FMN2: variants seen among roughly 807,000 people sequenced by gnomAD.
FMN2 encodes the protein formin 2, also known as formin-2.
FMN2 carries 51 observed loss-of-function variants against 142.3 expected under a neutral mutation model. The observed-to-expected ratio is 0.36, with a 90% confidence interval of 0.29 to 0.45. FMN2 has a LOEUF of 0.45. Among genes scored for constraint, FMN2 ranks in the 20% least tolerant of loss-of-function variants. The probability of loss-of-function intolerance (pLI) is 1.00; values close to 1 mark genes in which losing one functional copy is unlikely to be tolerated. For missense variants in FMN2, 1,936 were observed against 2,122.8 expected, an observed-to-expected ratio of 0.91 and a Z score of 1.73; for synonymous variants, 882 against 869.8, an observed-to-expected ratio of 1.01 and a Z score of -0.25.
chr1:240,277,387 T>C (rs543885884), intron 7 of FMN2, among the ~76,000 whole-genome samples: 5 of 151,854 alleles, frequency 3.3e-5, no homozygotes, highest in African/African-American at 9.6e-5. Context: ...TCTCCCGGAC[T>C]CTAGGACTGC....
chr1:240,324,011 TTCATGGCA>T (rs1391577645), intron 8 of FMN2, among the ~76,000 whole-genome samples: 1 of 152,186 alleles, frequency 6.6e-6, no homozygotes, highest in Non-Finnish European at 1.5e-5. Context: ...GTCACACTGT[TTCATGGCA>T]GTTTATTCTT....
Position 240,474,385 on chromosome 1 carries a change from A to C in FMN2, c.*231A>C, listed in dbSNP as rs1179388184. Reference sequence around the variant, plus strand: ...ATTTGACACCTTTTCTTTTTGTAAAAGTTTATGGTATTATACCGATAGACC... The same window carrying C: ...ATTTGACACCTTTTCTTTTTGTAAACGTTTATGGTATTATACCGATAGACC... On this transcript the variant is annotated 3_prime_UTR_variant, in exon 18 of 18. Coordinates refer to ENST00000319653, the MANE Select transcript of FMN2 (RefSeq NM_020066.5). 1 of 459,370 alleles carries C rather than the reference A, an allele frequency of 2.2e-6. No homozygotes were observed. The highest frequency in any genetic ancestry group is 3.8e-6 in the Non-Finnish European group (1 of 261,612). 28.5% of individuals were successfully genotyped at this position (459,370 alleles called of 1,614,324 possible). A position where few individuals can be genotyped will look rare whatever the true frequency, so the allele number is the denominator to read the frequency against.
intron 14 of FMN2, among the ~76,000 whole-genome samples, chr1:240,359,942 A>G (rs1306490878): frequency 6.6e-6 from 1 of 152,214 alleles, no homozygotes; most frequent in Non-Finnish European, 1.5e-5. Flanking sequence ...TGCACAGTAT[A>G]GCATACACTG....
chr1:240,238,848 C>G lies in FMN2; in HGVS notation c.4066-19097C>G, dbSNP rs192771527. Reference sequence around the variant, plus strand: ...ATGAAAAATAGCAATCTGTTATACTCAACAACAATATGGATTTTACAGGCA... The same window carrying G: ...ATGAAAAATAGCAATCTGTTATACTGAACAACAATATGGATTTTACAGGCA... On this transcript the variant is annotated intron_variant, in intron 6 of 17. Coordinates refer to ENST00000319653, the MANE Select transcript of FMN2 (RefSeq NM_020066.5). Among the ~76,000 whole-genome samples the G allele has an allele frequency of 3.2e-3, 484 of 152,206 alleles. 4 individuals carry two copies. The highest frequency in any genetic ancestry group is 0.011 in the African/African-American group (463 of 41,536).
At chr1:240,390,846 A>G (rs1198200587) in intron 14 of FMN2, among the ~76,000 whole-genome samples, 1 of 152,228 alleles carries the variant, frequency 6.6e-6, no homozygotes. Flanking sequence ...TTAATCTTCT[A>G]AAATAGTCTA....
intron 16 of FMN2, among the ~76,000 whole-genome samples, chr1:240,456,982 C>T (rs1676267488): frequency 6.6e-6 from 1 of 152,130 alleles, no homozygotes; most frequent in Non-Finnish European, 1.5e-5. Flanking sequence ...AACCCTTTGT[C>T]CTCTTCATTG....
chr1:240,184,303 C>T (rs185880705), intron 3 of FMN2, among the ~76,000 whole-genome samples: 97 of 120,770 alleles, frequency 8.0e-4, no homozygotes, highest in Middle Eastern at 0.016. Context: ...GTGGCGCGAT[C>T]TCGGCTCACT....
intron 16 of FMN2, among the ~76,000 whole-genome samples, chr1:240,447,433 T>C (rs1675863821): frequency 6.6e-6 from 1 of 152,090 alleles, no homozygotes; most frequent in African/African-American, 2.4e-5. Flanking sequence ...AGTAAACACA[T>C]GAAAAGATAT....
chr1:240,132,183 T>A (rs1344192753), intron 2 of FMN2, among the ~76,000 whole-genome samples: 1 of 152,210 alleles, frequency 6.6e-6, no homozygotes, highest in Non-Finnish European at 1.5e-5. Flanking sequence ...TCAGAGAGAA[T>A]GATCATTCTC....
At chr1:240,191,668 T>C (rs1665706223) in intron 4 of FMN2, among the ~76,000 whole-genome samples, 1 of 152,240 alleles carries the variant, frequency 6.6e-6, no homozygotes, top group Non-Finnish European at 1.5e-5. Context: ...AATTATTTTA[T>C]CTAAGAACAT....
intron 8 of FMN2, among the ~76,000 whole-genome samples, chr1:240,297,903 G>T (rs1225770268): frequency 6.6e-6 from 1 of 152,104 alleles, no homozygotes; most frequent in Admixed American, 6.6e-5. Context: ...ACAGACTGCG[G>T]TGTTCTTGCT....
chr1:240,367,572 T>G (rs948466651), intron 14 of FMN2, among the ~76,000 whole-genome samples: 1 of 151,724 alleles, frequency 6.6e-6, no homozygotes, highest in Non-Finnish European at 1.5e-5. Context: ...ATCGAGACCA[T>G]CCTGGCTAAC....
chr1:240,105,053 T>A (rs1217778052), intron 1 of FMN2, among the ~76,000 whole-genome samples: 1 of 151,528 alleles, frequency 6.6e-6, no homozygotes, highest in Non-Finnish European at 1.5e-5. Flanking sequence ...TTTATTTGAG[T>A]AGGTACTGTC....
intron 6 of FMN2, among the ~76,000 whole-genome samples, chr1:240,244,115 A>G (rs1668003098): frequency 6.6e-6 from 1 of 152,192 alleles, no homozygotes; most frequent in African/African-American, 2.4e-5. Flanking sequence ...TCTTCAGAGA[A>G]AGATTTGCCT....
chr1:240,148,641 G>A (rs1014229501), intron 2 of FMN2, among the ~76,000 whole-genome samples: 30 of 152,276 alleles, frequency 2.0e-4, no homozygotes, highest in African/African-American at 7.2e-4. Flanking sequence ...AAAAACTTGA[G>A]ATGTAAAATG....
At chr1:240,211,070 T>A (rs1182475657) in intron 5 of FMN2, 21 bp from the exon 6 acceptor site, 1 of 1,590,806 alleles carries the variant, frequency 6.3e-7, no homozygotes, top group South Asian at 1.2e-5. Flanking sequence ...GCTGTTTTAT[T>A]GTTCTTTTGC....
At chr1:240,222,748 G>A (rs1667165961) in intron 6 of FMN2, among the ~76,000 whole-genome samples, 1 of 151,956 alleles carries the variant, frequency 6.6e-6, no homozygotes, top group African/African-American at 2.4e-5. Flanking sequence ...TATTCTCTTT[G>A]TAGCAATTGT....
intron 15 of FMN2, among the ~76,000 whole-genome samples, chr1:240,406,655 GACCTGCC>G (rs1265083110): frequency 2.0e-5 from 3 of 152,104 alleles, no homozygotes; most frequent in African/African-American, 7.2e-5. Flanking sequence ...TTATTGTAGT[GACCTGCC>G]ACTCATGGCT....
intron 17 of FMN2, 147 bp downstream of exon 17, chr1:240,472,600 T>G (rs2103250236): frequency 1.8e-6 from 1 of 548,900 alleles, no homozygotes. Context: ...TCCTTTTTCT[T>G]ATGCCTTTAA....
Sources: gnomAD v4.1 joint callset for allele counts (sites outside exome capture counted in the v4.1 genomes callset) on GRCh38, gnomAD v4.1.1 for gene constraint, MANE v1.5 for transcripts, NCBI Gene and HGNC (gene_info 2026-07-23, HGNC 2026-07-21) for gene names.